The following CCM2 variants were observed in gnomAD, a reference collection of about 807,000 sequenced individuals.
The protein encoded by CCM2 is cerebral cavernous malformations 2 protein.
In CCM2, 25 loss-of-function variants were observed where a neutral mutation model predicts 44.9. That is an observed-to-expected ratio of 0.56 (90% CI 0.41 to 0.78). The LOEUF is 0.78. CCM2 is among the 30% of genes least tolerant of loss of function. The pLI, the probability that CCM2 is intolerant of heterozygous loss-of-function variation, is 0.00. For synonymous variants in CCM2, 219 were observed against 241.1 expected, an observed-to-expected ratio of 0.91 and a Z score of 0.85; for missense variants, 481 against 580.6, an observed-to-expected ratio of 0.83 and a Z score of 1.76.
intron 1 of CCM2, among the ~76,000 whole-genome samples, chr7:45,021,639 G>C (rs1259862593): frequency 1.3e-5 from 2 of 152,018 alleles, no homozygotes; most frequent in African/African-American, 4.8e-5. Context: ...TGTCCCCTGG[G>C]TATGCCTTTG....
At chr7:45,056,837 G>T (rs10251344) in intron 2 of CCM2, among the ~76,000 whole-genome samples, 20,188 of 152,154 alleles carry the variant, frequency 0.13, 1,649 homozygotes, top group Middle Eastern at 0.23. Flanking sequence ...GTCCAGATTT[G>T]TTTTTCTTTT....
intron 1 of CCM2, among the ~76,000 whole-genome samples, chr7:45,010,305 A>G (rs1796017196): frequency 1.3e-5 from 2 of 152,156 alleles, no homozygotes; most frequent in African/African-American, 2.4e-5. Flanking sequence ...AATATTACCT[A>G]CCATCACTGA....
chr7:45,045,725 A>G (rs1583920893), intron 2 of CCM2, among the ~76,000 whole-genome samples: 2 of 152,188 alleles, frequency 1.3e-5, no homozygotes. Flanking sequence ...CGGGAGGCGG[A>G]GCTTGCAGTG....
chr7:45,062,067 C>T (rs1798552860), intron 2 of CCM2, among the ~76,000 whole-genome samples: 1 of 152,204 alleles, frequency 6.6e-6, no homozygotes. Context: ...GTCTCTCCAT[C>T]TTTGGGGTTA....
chr7:45,051,289 T>C (rs993784480), intron 2 of CCM2, among the ~76,000 whole-genome samples: 1 of 152,194 alleles, frequency 6.6e-6, no homozygotes, highest in African/African-American at 2.4e-5. Flanking sequence ...GGTTTAGATG[T>C]ATACTGCATC....
intron 1 of CCM2, among the ~76,000 whole-genome samples, chr7:45,002,262 A>G (rs549589212): frequency 3.0e-4 from 46 of 152,338 alleles, no homozygotes; most frequent in African/African-American, 1.0e-3. Flanking sequence ...AAATTCTTCT[A>G]AGTTAGCTTC....
In CCM2 at chr7:45,014,122, G is replaced by C. The variant is rs969200946; in HGVS notation, c.30+13759G>C. ...TTAAGCTGGCTCTGGTCTCTTATTT[G>C]TATTTTTATTTATTTTAATTATTAT... On this transcript the variant is annotated intron_variant, in intron 1 of 9. Coordinates refer to ENST00000258781, the MANE Select transcript of CCM2 (RefSeq NM_031443.4). Among the ~76,000 whole-genome samples, 10 of 151,984 alleles carry C rather than the reference G, an allele frequency of 6.6e-5. No individual in the cohort carries two copies. The East Asian group carries it at 1.9e-3, about 29-fold the overall frequency.
At chr7:45,071,880 G>A (rs1359187420) in intron 6 of CCM2, 1 of 456,562 alleles carries the variant, frequency 2.2e-6, no homozygotes, top group Admixed American at 2.3e-5. Context: ...AAGGTCAGCT[G>A]ATAAGCATCC....
intron 2 of CCM2, among the ~76,000 whole-genome samples, chr7:45,047,144 GA>G (rs1487203673): frequency 1.3e-5 from 2 of 152,208 alleles, no homozygotes; most frequent in African/African-American, 4.8e-5. Flanking sequence ...CGCCACTCTA[GA>G]AAGCAGTCTG....
chr7:45,008,241 T>C (rs1330880164), intron 1 of CCM2, among the ~76,000 whole-genome samples: 1 of 152,088 alleles, frequency 6.6e-6, no homozygotes, highest in Non-Finnish European at 1.5e-5. Context: ...GGTTTCCCCA[T>C]GTTGGCAAGA....
intron 2 of CCM2, among the ~76,000 whole-genome samples, chr7:45,052,753 G>T (rs1315771361): frequency 1.3e-5 from 2 of 152,192 alleles, no homozygotes; most frequent in African/African-American, 4.8e-5. Flanking sequence ...GAGCCAGACT[G>T]GGCATGAGAT....
At chr7:45,023,787 GTTTTTTTTTTTTTTTT>G (rs10596429) in intron 1 of CCM2, among the ~76,000 whole-genome samples, 16 of 58,642 alleles carry the variant, frequency 2.7e-4, no homozygotes, top group Admixed American at 4.8e-4. Flanking sequence ...CTCTGTATCA[GTTTTTTTTTTTTTTTT>G]TTTTTTTTTT....
chr7:45,016,165 C>T (rs1473912312), intron 1 of CCM2, among the ~76,000 whole-genome samples: 2 of 152,144 alleles, frequency 1.3e-5, no homozygotes, highest in Non-Finnish European at 2.9e-5. Context: ...TTGGCAGAGC[C>T]TGAAAGGTAG....
In CCM2 at chr7:45,020,759, CTTG is replaced by C. The variant is rs1220996811; in HGVS notation, c.31-17491_31-17489del. ...AATTTTGAGTATTTTCCAAAATGAA[CTTG>C]TTAAGTTTTCTTACTAAAAAATACA... On this transcript the variant is annotated intron_variant, in intron 1 of 9. Coordinates refer to ENST00000258781, the MANE Select transcript of CCM2 (RefSeq NM_031443.4). 6.6e-5 allele frequency among the ~76,000 whole-genome samples: 10 copies of C among 152,168 alleles called. No homozygotes were observed. The East Asian group carries it at 9.7e-4, about 15-fold the overall frequency.
intron 2 of CCM2, among the ~76,000 whole-genome samples, chr7:45,045,846 A>G (rs1174222521): frequency 6.6e-6 from 1 of 152,216 alleles, no homozygotes; most frequent in Non-Finnish European, 1.5e-5. Flanking sequence ...TTTTTGAACA[A>G]TGAATATGTG....
chr7:45,002,496 G>T (rs1319880142), intron 1 of CCM2, among the ~76,000 whole-genome samples: 2 of 151,968 alleles, frequency 1.3e-5, no homozygotes, highest in Admixed American at 1.3e-4. Flanking sequence ...CTGAGCTCAG[G>T]TGGGCCTTTT....
At chr7:45,039,920 G>C (rs1275692503) in intron 2 of CCM2, among the ~76,000 whole-genome samples, 1 of 151,982 alleles carries the variant, frequency 6.6e-6, no homozygotes, top group African/African-American at 2.4e-5. Flanking sequence ...CCAGCTACTT[G>C]GGAGGCTGAG....
chr7:45,072,802 A>C lies in CCM2; in HGVS notation c.803+19A>C, dbSNP rs1209794220. On this transcript the variant is annotated intron_variant, in intron 7 of 9. Coordinates refer to ENST00000258781, the MANE Select transcript of CCM2 (RefSeq NM_031443.4). Reference sequence around the variant, plus strand: ...GCACTTTGTGAGTGCACATGCCACCAAGCCCTGCGGTGGGACACGCACCAA... The same window carrying C: ...GCACTTTGTGAGTGCACATGCCACCCAGCCCTGCGGTGGGACACGCACCAA... 6.2e-7 allele frequency: 1 copy of C among 1,603,036 alleles called. No individual in the cohort carries two copies.
intron 1 of CCM2, among the ~76,000 whole-genome samples, chr7:45,028,712 C>T (rs1796811191): frequency 1.3e-5 from 2 of 151,770 alleles, no homozygotes; most frequent in Admixed American, 1.3e-4. Flanking sequence ...TGCACACCGG[C>T]TGTGTCATAC....
Sources: gnomAD v4.1 joint callset for allele counts (sites outside exome capture counted in the v4.1 genomes callset) on GRCh38, gnomAD v4.1.1 for gene constraint, MANE v1.5 for transcripts, NCBI Gene and HGNC (gene_info 2026-07-23, HGNC 2026-07-21) for gene names.